Variants in C1GALT1 observed in about 807,000 individuals in gnomAD.
C1GALT1 encodes core 1 synthase, glycoprotein-N-acetylgalactosamine 3-beta-galactosyltransferase 1.
In C1GALT1, 11 loss-of-function variants were observed where a neutral mutation model predicts 31.0. The observed-to-expected ratio is 0.36, with a 90% CI of 0.22 to 0.59. The LOEUF (loss-of-function observed/expected upper bound fraction) is 0.59. Among genes scored for constraint, C1GALT1 ranks in the 20% least tolerant of loss-of-function variants. The pLI is 0.79. For synonymous variants in C1GALT1, 175 were observed against 143.6 expected, an observed-to-expected ratio of 1.22 and a Z score of -1.56; for missense variants, 424 against 425.2, an observed-to-expected ratio of 1.00 and a Z score of 0.03.
chr7:7,173,904 C>T lies in C1GALT1; in HGVS notation c.-18+16478C>T, dbSNP rs542658825. ...CCTGGGTTCCAGAGCAAGACTCCAT[C>T]TCAAATTTTTTTAAAATAGGAAAAA... On this transcript the variant is annotated intron_variant, in intron 2 of 3. Coordinates refer to the C1GALT1 transcript ENST00000429911. Among the ~76,000 whole-genome samples, 15 of 152,192 alleles carry T rather than the reference C, an allele frequency of 9.9e-5. No individual in the cohort carries two copies. The South Asian group carries it at 1.7e-3, about 17-fold the overall frequency.
intron 1 of C1GALT1, among the ~76,000 whole-genome samples, chr7:7,202,127 A>C (rs537628956): frequency 1.3e-5 from 2 of 152,314 alleles, no homozygotes; most frequent in East Asian, 3.9e-4. Flanking sequence ...TGGGATCCCC[A>C]GTGAGGATGT....
At chr7:7,191,965 A>T (rs996420676) in intron 1 of C1GALT1, among the ~76,000 whole-genome samples, 5 of 151,876 alleles carry the variant, frequency 3.3e-5, no homozygotes, top group Non-Finnish European at 7.4e-5. Flanking sequence ...AAATTTAAAA[A>T]TTTTTCATCA....
intron 2 of C1GALT1, among the ~76,000 whole-genome samples, chr7:7,165,131 T>C (rs923952563): frequency 6.6e-6 from 1 of 152,082 alleles, no homozygotes; most frequent in Non-Finnish European, 1.5e-5. Context: ...TGAACAGAAC[T>C]AGAAACCACA....
At chr7:7,196,515 A>G (rs1781294598) in intron 1 of C1GALT1, among the ~76,000 whole-genome samples, 1 of 152,220 alleles carries the variant, frequency 6.6e-6, no homozygotes, top group Non-Finnish European at 1.5e-5. Context: ...ATAGTGCCAC[A>G]GTAAACATAC....
At chr7:7,211,782 T>A (rs1428359806) in intron 1 of C1GALT1, among the ~76,000 whole-genome samples, 1 of 152,240 alleles carries the variant, frequency 6.6e-6, no homozygotes, top group Non-Finnish European at 1.5e-5. Context: ...ATTAGTATAG[T>A]GATTCAGATT....
Position 7,238,232 on chromosome 7 carries a change from T to C in C1GALT1, c.221-23T>C, listed in dbSNP as rs772483424. ...GGATTTTACATCTATGTAAATAACC[T>C]TTTAAAATGTTTTGTTTAATAGATG... On this transcript the variant is annotated intron_variant, in intron 2 of 3. Coordinates refer to ENST00000436587, the MANE Select transcript of C1GALT1 (RefSeq NM_020156.5). The surrounding 1 kb of genome is among the most constrained non-coding windows in gnomAD (Gnocchi z 5.2). 3 of 1,545,106 alleles carry C rather than the reference T, an allele frequency of 1.9e-6. No homozygotes were observed. In the South Asian group the frequency reaches 3.7e-5, roughly 19 times the overall value.
intron 1 of C1GALT1, among the ~76,000 whole-genome samples, chr7:7,188,744 T>G (rs1780929483): frequency 6.6e-6 from 1 of 150,722 alleles, no homozygotes; most frequent in South Asian, 2.1e-4. Context: ...AGAAAATATT[T>G]CGGTACATTG....
rs1782380823 is a variant in C1GALT1, at chr7:7,218,949, T to C, written c.-17-15354T>C. 1.3e-5 allele frequency among the ~76,000 whole-genome samples: 2 copies of C among 151,880 alleles called. 1 individual carries two copies. Among genetic ancestry groups the C allele is most frequent in the Non-Finnish European group, 2.9e-5 (2 of 67,978 alleles). Reference sequence around the variant, plus strand: ...CCGCAGTTCACGCCATTCTCCTGCCTCAGCCTCCTGAGTAGCTGGGACTAC... The same window carrying C: ...CCGCAGTTCACGCCATTCTCCTGCCCCAGCCTCCTGAGTAGCTGGGACTAC... On this transcript the variant is annotated intron_variant, in intron 1 of 3. Transcript: ENST00000436587.
intron 1 of C1GALT1, among the ~76,000 whole-genome samples, chr7:7,218,327 G>C (rs1052000830): frequency 6.6e-6 from 1 of 152,198 alleles, no homozygotes; most frequent in Non-Finnish European, 1.5e-5. Flanking sequence ...TAGACCCTGT[G>C]TACCAAGTTA....
intron 1 of C1GALT1, among the ~76,000 whole-genome samples, chr7:7,183,988 T>A (rs1434751707): frequency 1.1e-4 from 17 of 152,206 alleles, no homozygotes; most frequent in Admixed American, 1.1e-3. Context: ...GTGCGCATAA[T>A]TTCAAGTTGC....
intron 1 of C1GALT1, among the ~76,000 whole-genome samples, chr7:7,198,152 T>G (rs1781378403): frequency 6.6e-6 from 1 of 152,232 alleles, no homozygotes; most frequent in Non-Finnish European, 1.5e-5. Flanking sequence ...GCCCATTGAG[T>G]ATGATATTGG....
chr7:7,214,405 T>A (rs969221391), intron 1 of C1GALT1, among the ~76,000 whole-genome samples: 1 of 152,174 alleles, frequency 6.6e-6, no homozygotes, highest in African/African-American at 2.4e-5. Context: ...GGAGAGCCTT[T>A]TTCCAGAAAA....
intron 1 of C1GALT1, among the ~76,000 whole-genome samples, chr7:7,187,448 CAG>C (rs143218241): frequency 0.023 from 3,514 of 151,660 alleles, 118 homozygotes; most frequent in African/African-American, 0.079. Flanking sequence ...TTAGTAGAGA[CAG>C]GGGAGATCTT....
At position 7,248,104 on chromosome 7, in the gene C1GALT1, A is replaced by G. The variant is rs1245863572; in HGVS notation, c.*4377A>G. The G allele has an allele frequency of 1.3e-5, 2 of 152,046 alleles. No individual in the cohort carries two copies. Among genetic ancestry groups the G allele is most frequent in the Non-Finnish European group, 2.9e-5 (2 of 67,906 alleles). 9.4% of individuals were successfully genotyped at this position (152,046 alleles called of 1,614,324 possible). A position where few individuals can be genotyped will look rare whatever the true frequency, so the allele number is the denominator to read the frequency against. ...ACATAGTGAAGCAATCTGGGAGGCAACCTGTGGTAGATTTTATGCTAAATG... is the reference window on the plus strand; with the variant it reads ...ACATAGTGAAGCAATCTGGGAGGCAGCCTGTGGTAGATTTTATGCTAAATG... On this transcript the variant is annotated 3_prime_UTR_variant, in exon 4 of 4. Transcript: ENST00000436587.
chr7:7,240,752 CAT>C (rs1337207501), intron 3 of C1GALT1, among the ~76,000 whole-genome samples: 1 of 152,110 alleles, frequency 6.6e-6, no homozygotes, highest in Non-Finnish European at 1.5e-5. Flanking sequence ...ATCAATCTGA[CAT>C]TGCCTGTTCT....
chr7:7,184,249 G>T (rs961604093), intron 1 of C1GALT1, among the ~76,000 whole-genome samples: 3 of 152,208 alleles, frequency 2.0e-5, no homozygotes, highest in Admixed American at 2.0e-4. Context: ...CAATGACTTA[G>T]TAAGGAAAGT....
intron 1 of C1GALT1, among the ~76,000 whole-genome samples, chr7:7,215,235 C>G (rs10282358): frequency 0.33 from 50,000 of 152,112 alleles, 8,732 homozygotes; most frequent in East Asian, 0.57. Flanking sequence ...GCATCCTAAC[C>G]TAAGGTACCC....
At chr7:7,175,597 A>G (rs2128227743) in intron 2 of C1GALT1, among the ~76,000 whole-genome samples, 2 of 152,318 alleles carry the variant, frequency 1.3e-5, no homozygotes, top group Middle Eastern at 6.8e-3. Context: ...TGTGTTTTCC[A>G]GCTTTTTCTG....
chr7:7,240,944 T>A (rs1157906560), intron 3 of C1GALT1, among the ~76,000 whole-genome samples: 1 of 152,062 alleles, frequency 6.6e-6, no homozygotes, highest in Non-Finnish European at 1.5e-5. Flanking sequence ...GTAAAAGATA[T>A]TCTAATTCAT....
Sources: gnomAD v4.1 joint callset for allele counts (sites outside exome capture counted in the v4.1 genomes callset) on GRCh38, gnomAD v4.1.1 for gene constraint, Gnocchi (gnomAD v3.1) non-coding constraint, MANE v1.5 for transcripts, NCBI Gene and HGNC (gene_info 2026-07-23, HGNC 2026-07-21) for gene names.